Variants in CAST observed in about 807,000 individuals in gnomAD.
CAST encodes calpastatin.
Under a neutral mutation model 119.6 loss-of-function variants are expected in CAST, and 76 were observed. The observed-to-expected ratio is 0.64, with a 90% CI of 0.53 to 0.77. CAST has a LOEUF of 0.77. Among genes scored for constraint, CAST ranks in the 30% least tolerant of loss-of-function variants. CAST has a pLI of 0.00. For missense variants in CAST, 953 were observed against 946.5 expected (o/e 1.01, Z -0.09); for synonymous variants, 319 against 331.6 (o/e 0.96, Z 0.41).
At chr5:96,763,225 T>A (rs1768630143) in intron 25 of CAST, 3 of 780,744 alleles carry the variant, frequency 3.8e-6, no homozygotes, top group Non-Finnish European at 7.2e-6. Flanking sequence ...AGCTTCAGGA[T>A]CATCTGAAAA....
At chr5:96,122,882 G>A in the CAST span, among the ~76,000 whole-genome samples, 6 of 152,056 alleles carry the variant, frequency 3.9e-5, no homozygotes, top group African/African-American at 1.4e-4. Flanking sequence ...CTCATACAGT[G>A]TGATCATTTT....
chr5:96,299,805 G>C, the CAST span, among the ~76,000 whole-genome samples: 1,411 of 152,132 alleles, frequency 9.3e-3, 27 homozygotes, highest in African/African-American at 0.033. Flanking sequence ...AGTTATAGTT[G>C]TATATATCTT....
At chr5:96,399,684 A>G in the CAST span, among the ~76,000 whole-genome samples, 16 of 152,248 alleles carry the variant, frequency 1.1e-4, no homozygotes, top group Non-Finnish European at 1.3e-4. Flanking sequence ...GTGGTTGATC[A>G]CAGTTTAATT....
chr5:96,570,570 T>C lies in CAST; in HGVS notation c.60+40690T>C, dbSNP rs145967975. Among the ~76,000 whole-genome samples the C allele has an allele frequency of 2.3e-3, 357 of 152,090 alleles. 2 individuals carry two copies. Among genetic ancestry groups the C allele is most frequent in the African/African-American group, 8.4e-3 (348 of 41,490 alleles). ...AAGGGATGGATGAGAAAAGAGACAT[T>C]TGAGCGGATTCCTTTCTGTAATGAA... On this transcript the variant is annotated intron_variant, in intron 1 of 11. Transcript: ENST00000505143.
chr5:96,046,518 T>G, the CAST span, among the ~76,000 whole-genome samples: 1 of 152,154 alleles, frequency 6.6e-6, no homozygotes, highest in Non-Finnish European at 1.5e-5. Flanking sequence ...AAATCTTCAC[T>G]CCATGGAGGA....
chr5:96,588,196 C>CTTTTTTTTTTTTTTTTTTT (rs140665192), intron 1 of CAST, among the ~76,000 whole-genome samples: 16 of 75,828 alleles, frequency 2.1e-4, no homozygotes, highest in Admixed American at 6.2e-4. Flanking sequence ...TTCTTTCTTT[C>CTTTTTTTTTTTTTTTTTTT]TTTTTTTTTT....
chr5:96,649,278 T>A (rs1176595991), intron 1 of CAST, among the ~76,000 whole-genome samples: 1 of 152,210 alleles, frequency 6.6e-6, no homozygotes, highest in Non-Finnish European at 1.5e-5. Flanking sequence ...GACAATAAAT[T>A]ACTGTGTTTC....
the CAST span, among the ~76,000 whole-genome samples, chr5:96,091,214 T>C: frequency 6.6e-6 from 1 of 152,026 alleles, no homozygotes; most frequent in African/African-American, 2.4e-5. Flanking sequence ...CTCTTTTTTT[T>C]TTTTTTGAGA....
the CAST span, among the ~76,000 whole-genome samples, chr5:96,076,400 T>C: frequency 6.6e-6 from 1 of 151,940 alleles, no homozygotes; most frequent in South Asian, 2.1e-4. Flanking sequence ...CGAAAAGGAG[T>C]AGAACAGTTG....
the CAST span, among the ~76,000 whole-genome samples, chr5:96,455,440 A>C: frequency 2.0e-5 from 3 of 152,276 alleles, no homozygotes; most frequent in African/African-American, 7.2e-5. Flanking sequence ...TTTATACAAG[A>C]TACAGATAAT....
the CAST span, among the ~76,000 whole-genome samples, chr5:96,008,486 C>T: frequency 6.6e-6 from 1 of 152,016 alleles, no homozygotes. Flanking sequence ...GTAACTATTC[C>T]TCCAACAACC....
chr5:96,004,215 T>C, the CAST span, among the ~76,000 whole-genome samples: 1 of 152,334 alleles, frequency 6.6e-6, no homozygotes, highest in Admixed American at 6.5e-5. Context: ...AAAAATGCTG[T>C]GGCTAATTGT....
At chr5:96,095,819 T>TA in the CAST span, among the ~76,000 whole-genome samples, 13 of 151,220 alleles carry the variant, frequency 8.6e-5, no homozygotes, top group South Asian at 4.2e-4. Flanking sequence ...GACATAACAT[T>TA]AAAAAAAAAT....
chr5:96,634,985 A>G (rs997568773), intron 1 of CAST, among the ~76,000 whole-genome samples: 1 of 152,248 alleles, frequency 6.6e-6, no homozygotes, highest in Non-Finnish European at 1.5e-5. Context: ...ATTCAGCAAT[A>G]GACTGTGATA....
intron 1 of CAST, among the ~76,000 whole-genome samples, chr5:96,560,394 G>T (rs1236964973): frequency 1.3e-5 from 2 of 151,450 alleles, no homozygotes. Flanking sequence ...CACAGCAAAA[G>T]AAACTACCAT....
chr5:96,744,748 C>T (rs927045255), intron 16 of CAST, among the ~76,000 whole-genome samples: 2 of 152,120 alleles, frequency 1.3e-5, no homozygotes, highest in Non-Finnish European at 2.9e-5. Context: ...TCACTGTCAG[C>T]CTGTAGGAGT....
At chr5:96,380,561 G>GA in the CAST span, among the ~76,000 whole-genome samples, 4 of 151,962 alleles carry the variant, frequency 2.6e-5, no homozygotes, top group Admixed American at 6.6e-5. Context: ...GTATTTGGCA[G>GA]AAAAAAAATT....
chr5:96,588,269 T>C (rs908322852), intron 1 of CAST, among the ~76,000 whole-genome samples: 1 of 131,290 alleles, frequency 7.6e-6, no homozygotes, highest in Admixed American at 8.9e-5. Flanking sequence ...TGGTGCAATC[T>C]CGGCTCACTG....
At chr5:95,961,568 C>A in the CAST span, 3 of 1,579,690 alleles carry the variant, frequency 1.9e-6, no homozygotes, top group Non-Finnish European at 2.6e-6. Context: ...CCGGCCGGCC[C>A]GCTCACCTTG....
Sources: allele counts gnomAD v4.1 joint callset (sites outside exome capture counted in the v4.1 genomes callset), GRCh38; gene constraint gnomAD v4.1.1; transcripts MANE v1.5; gene names NCBI Gene and HGNC (gene_info 2026-07-23, HGNC 2026-07-21).